FMO2: variants seen among roughly 807,000 people sequenced by gnomAD.
The protein encoded by FMO2 is flavin-containing monooxygenase 2.
FMO2 carries 33 observed loss-of-function variants against 41.6 expected under a neutral mutation model. The ratio of observed to expected loss-of-function variants is 0.79; its 90% CI spans 0.60 to 1.06. The LOEUF is 1.06. Ranked by LOEUF, FMO2 falls within the 50% of genes least tolerant of loss-of-function variation. The pLI is 0.00. For synonymous variants in FMO2, 214 were observed against 219.6 expected, an observed-to-expected ratio of 0.97 and a Z score of 0.23; for missense variants, 619 against 632.9, an observed-to-expected ratio of 0.98 and a Z score of 0.23.
chr1:171,206,694 G>A (rs1456590341), intron 7 of FMO2, among the ~76,000 whole-genome samples: 1 of 152,142 alleles, frequency 6.6e-6, no homozygotes, highest in Non-Finnish European at 1.5e-5. Context: ...TATAAGCAAG[G>A]AACAGGCATT....
Position 171,200,502 on chromosome 1 carries a change from G to A in FMO2, c.627+1014G>A, listed in dbSNP as rs1333476400. Reference sequence around the variant, plus strand: ...GCCACCCAGGGCTTACCATGGCCCTGTGCACAACCAACAAATCATTTCCAT... The same window carrying A: ...GCCACCCAGGGCTTACCATGGCCCTATGCACAACCAACAAATCATTTCCAT... On this transcript the variant is annotated intron_variant, in intron 5 of 8. Coordinates refer to ENST00000209929, the MANE Select transcript of FMO2 (RefSeq NM_001460.5). Among the ~76,000 whole-genome samples the A allele has an allele frequency of 5.3e-5, 8 of 152,228 alleles. No homozygotes were observed. The East Asian group carries it at 1.4e-3, about 26-fold the overall frequency.
At chr1:171,190,948 C>G (rs1003290432) in intron 2 of FMO2, among the ~76,000 whole-genome samples, 1 of 152,052 alleles carries the variant, frequency 6.6e-6, no homozygotes, top group Non-Finnish European at 1.5e-5. Flanking sequence ...GAGTTCGAGA[C>G]CAGCCTGACC....
chr1:171,205,315 C>T lies in FMO2; in HGVS notation c.864C>T (p.Val288=). 1.2e-6 allele frequency: 2 copies of T among 1,613,102 alleles called. No homozygotes were observed. Among genetic ancestry groups the T allele is most frequent in the Non-Finnish European group, 1.7e-6 (2 of 1,179,332 alleles). ...AGGAACCTGTACTAAATGATGATGT[C>T]CCAAGTCGTCTACTCTGTGGAGCCA... ...IMKEPVLNDD[V]PSRLLCGAIK... The change falls in exon 7 of 9, where the codon GTC becomes GTT. Residue 288 remains valine, a synonymous_variant. Transcript: ENST00000209929.
rs1657824487 is a variant in FMO2, at chr1:171,185,861, T to C, written c.132+16T>C. The C allele has an allele frequency of 2.5e-6, 4 of 1,613,184 alleles. No individual in the cohort carries two copies. The highest frequency in any genetic ancestry group is 3.4e-6 in the Non-Finnish European group (4 of 1,179,406). On this transcript the variant is annotated intron_variant, in intron 2 of 8. Transcript: ENST00000209929. ...GAGGTTCAAAGTAAGTGAGATTTTC[T>C]TGGGTCTTGAACAGGTTGTGTTGTT...
intron 2 of FMO2, among the ~76,000 whole-genome samples, chr1:171,191,145 CA>C (rs112739307): frequency 0.39 from 55,086 of 141,910 alleles, 10,603 homozygotes; most frequent in East Asian, 0.56. Flanking sequence ...AATTCTGTCT[CA>C]AAAAAAAAAA....
intron 5 of FMO2, 169 bp downstream of exon 5, chr1:171,199,657 C>G: frequency 1.9e-6 from 1 of 536,336 alleles, no homozygotes; most frequent in Non-Finnish European, 3.2e-6. Flanking sequence ...TACCTCCTAG[C>G]TCTGTCAATA....
rs1658975266 is a variant in FMO2, at chr1:171,211,407, C to T, written c.*2262C>T. ...ATATGTAAGGCATTGTCCCATTTTG[C>T]ATAACTTGCCTTATTTCATCATTAT... On this transcript the variant is annotated 3_prime_UTR_variant, in exon 9 of 9. Coordinates refer to ENST00000209929, the MANE Select transcript of FMO2 (RefSeq NM_001460.5). Among the ~76,000 whole-genome samples the T allele has an allele frequency of 1.3e-5, 2 of 152,264 alleles. No individual in the cohort carries two copies. Among genetic ancestry groups the T allele is most frequent in the South Asian group, 4.1e-4 (2 of 4,824 alleles).
intron 3 of FMO2, 110 bp from the exon 4 acceptor site, chr1:171,196,539 G>A: frequency 1.1e-6 from 1 of 891,702 alleles, no homozygotes; most frequent in Non-Finnish European, 1.8e-6. Context: ...TAACAGATTA[G>A]TCCCACTGCT....
intron 2 of FMO2, among the ~76,000 whole-genome samples, chr1:171,189,659 CTTT>C (rs397827245): frequency 5.8e-5 from 7 of 121,466 alleles, no homozygotes; most frequent in Admixed American, 1.8e-4. Context: ...TTTTTCTTTT[CTTT>C]TTTTTTTTTT....
At chr1:171,206,545 T>C (rs1038934446) in intron 7 of FMO2, among the ~76,000 whole-genome samples, 2 of 152,186 alleles carry the variant, frequency 1.3e-5, no homozygotes, top group African/African-American at 4.8e-5. Flanking sequence ...TTATAAATTA[T>C]AGATCAGTTC....
In FMO2 at chr1:171,205,391, G is replaced by C; in HGVS notation, c.940G>C (p.Glu314Gln). Residue 314 changes from glutamate (E) to glutamine (Q), a missense_variant, in exon 7 of 9, where the codon GAG (glutamate) becomes CAG (glutamine). Coordinates refer to ENST00000209929, the MANE Select transcript of FMO2 (RefSeq NM_001460.5). ...KELTETSAIF[E>Q]DGTVEENIDV... ...GCTCACAGAAACTTCTGCCATCTTT[G>C]AGGATGGAACAGTGGAGGAGAACAT... The C allele has an allele frequency of 6.2e-7, 1 of 1,613,698 alleles. No homozygotes were observed. Among genetic ancestry groups the C allele is most frequent in the Non-Finnish European group, 8.5e-7 (1 of 1,179,680 alleles).
chr1:171,188,129 G>T (rs1007634626), intron 2 of FMO2, among the ~76,000 whole-genome samples: 3 of 149,744 alleles, frequency 2.0e-5, no homozygotes, highest in Non-Finnish European at 3.0e-5. Flanking sequence ...CAGGAGATTG[G>T]CTCCACAACC....
At chr1:171,186,130 T>A (rs541218178) in intron 2 of FMO2, 1 of 210,400 alleles carries the variant, frequency 4.8e-6, no homozygotes, top group Admixed American at 5.4e-5. Context: ...TACGCTAATA[T>A]TAGAGAACAT....
intron 4 of FMO2, 49 bp downstream of exon 4, chr1:171,196,860 T>C: frequency 1.3e-6 from 2 of 1,558,958 alleles, no homozygotes; most frequent in South Asian, 2.3e-5. Context: ...TTCCAGGTAC[T>C]TTATATGTAG....
intron 2 of FMO2, among the ~76,000 whole-genome samples, chr1:171,192,722 C>A (rs530878760): frequency 2.0e-5 from 3 of 146,782 alleles, no homozygotes; most frequent in Non-Finnish European, 4.4e-5. Context: ...GCCAAGATCA[C>A]GCCACTGCAC....
chr1:171,194,113 T>C (rs1305184157), intron 3 of FMO2, among the ~76,000 whole-genome samples: 4 of 152,240 alleles, frequency 2.6e-5, no homozygotes, highest in Non-Finnish European at 1.5e-5. Flanking sequence ...TCTGTTATCA[T>C]TGAATACACC....
rs757994061 is a variant in FMO2 at position 171,200,129 on chromosome 1, C to G, written c.627+641C>G. ...TGAATTATATTTGAAATATAGATAACCTTCAGTTACCCAAATATTATGAAA... is the reference window on the plus strand; with the variant it reads ...TGAATTATATTTGAAATATAGATAAGCTTCAGTTACCCAAATATTATGAAA... On this transcript the variant is annotated intron_variant, in intron 5 of 8. Coordinates refer to ENST00000209929, the MANE Select transcript of FMO2 (RefSeq NM_001460.5). Among the ~76,000 whole-genome samples the G allele has an allele frequency of 2.6e-5, 4 of 152,076 alleles. No homozygotes were observed. The East Asian group carries it at 7.7e-4, about 29-fold the overall frequency.
At chr1:171,199,544 C>T in intron 5 of FMO2, 56 bp downstream of exon 5, 2 of 1,510,020 alleles carry the variant, frequency 1.3e-6, no homozygotes, top group Non-Finnish European at 1.8e-6. Flanking sequence ...GGATGCCATA[C>T]TGGAGAACCC....
Position 171,193,514 on chromosome 1 carries a change from T to G in FMO2, c.312T>G (p.Ile104Met), listed in dbSNP as rs1312005010. The change falls in exon 3 of 9, where the codon ATT (isoleucine) becomes ATG (methionine). Residue 104 changes from isoleucine to methionine, a missense_variant. Ile to Met is a conservative substitution (Grantham distance 10). Coordinates refer to ENST00000209929, the MANE Select transcript of FMO2 (RefSeq NM_001460.5). The part of the protein sequence containing the change: ...FAKKFDLLKY[I>M]QFQTTVLSVR... ...AAAAATTTGATCTGCTAAAATATATTCAGTTCCAGGTATTGTATTTTTGGG... is the reference window on the plus strand; with the variant it reads ...AAAAATTTGATCTGCTAAAATATATGCAGTTCCAGGTATTGTATTTTTGGG... 6.3e-7 allele frequency: 1 copy of G among 1,595,124 alleles called. No individual in the cohort carries two copies. The highest frequency in any genetic ancestry group is 1.3e-5 in the African/African-American group (1 of 74,424).
Sources: allele counts gnomAD v4.1 joint callset (sites outside exome capture counted in the v4.1 genomes callset), GRCh38; gene constraint gnomAD v4.1.1; transcripts MANE v1.5; gene names NCBI Gene and HGNC (gene_info 2026-07-23, HGNC 2026-07-21).